KHDRBS2: variants seen among roughly 807,000 people sequenced by gnomAD.
KHDRBS2 encodes the protein KH RNA binding domain containing, signal transduction associated 2.
Under a neutral mutation model 44.3 loss-of-function variants are expected in KHDRBS2, and 26 were observed. The ratio of observed to expected loss-of-function variants is 0.59; its 90% CI spans 0.43 to 0.81. The LOEUF (loss-of-function observed/expected upper bound fraction) is 0.81. KHDRBS2 is among the 40% of genes least tolerant of loss of function. The pLI, the probability that KHDRBS2 is intolerant of heterozygous loss-of-function variation, is 0.00. For synonymous variants in KHDRBS2, 194 were observed against 151.1 expected (o/e 1.28, Z -2.08); for missense variants, 476 against 433.1 (o/e 1.10, Z -0.88).
chr6:62,232,721 C>T lies in KHDRBS2; in HGVS notation c.91+53137G>A, dbSNP rs141973335. Among the ~76,000 whole-genome samples, 357 of 152,200 alleles carry T rather than the reference C, an allele frequency of 2.3e-3. 1 individual carries two copies. Among genetic ancestry groups the T allele is most frequent in the Admixed American group, 4.5e-3 (69 of 15,272 alleles). Reference sequence around the variant, plus strand: ...TATTATCTTCTTTTGTCCAGTTTTTCTATTGTGAAACTCTCCCAAAATGTC... The same window carrying T: ...TATTATCTTCTTTTGTCCAGTTTTTTTATTGTGAAACTCTCCCAAAATGTC... On this transcript the variant is annotated intron_variant, in intron 1 of 8. Coordinates refer to ENST00000281156, the MANE Select transcript of KHDRBS2 (RefSeq NM_152688.4).
intron 3 of KHDRBS2, among the ~76,000 whole-genome samples, chr6:62,040,696 C>T (rs1435851754): frequency 6.6e-6 from 1 of 152,132 alleles, no homozygotes; most frequent in Non-Finnish European, 1.5e-5. Context: ...GCTTTCTTCA[C>T]AGTAAGCAGC....
At chr6:61,986,037 T>G (rs1301069614) in intron 3 of KHDRBS2, among the ~76,000 whole-genome samples, 1 of 152,178 alleles carries the variant, frequency 6.6e-6, no homozygotes, top group Non-Finnish European at 1.5e-5. Flanking sequence ...AAATGAATTT[T>G]GGAGTCAGAT....
intron 6 of KHDRBS2, 61 bp downstream of exon 6, chr6:61,894,574 C>A: frequency 7.5e-7 from 1 of 1,340,942 alleles, no homozygotes; most frequent in South Asian, 1.2e-5. Context: ...CAGTTTGAGA[C>A]GTAGCTTGTT....
the KHDRBS2 span, among the ~76,000 whole-genome samples, chr6:61,581,581 CAAT>C: frequency 1.0e-4 from 2 of 19,398 alleles, no homozygotes; most frequent in African/African-American, 3.6e-4. Flanking sequence ...ATACAATACA[CAAT>C]ATACAATATA....
intron 4 of KHDRBS2, among the ~76,000 whole-genome samples, chr6:61,915,863 A>G (rs1648815041): frequency 6.6e-6 from 1 of 151,874 alleles, no homozygotes. Flanking sequence ...AAACACCTCA[A>G]TTTTACTCAG....
At chr6:62,088,916 G>T (rs1798949611) in intron 2 of KHDRBS2, among the ~76,000 whole-genome samples, 1 of 152,164 alleles carries the variant, frequency 6.6e-6, no homozygotes, top group African/African-American at 2.4e-5. Flanking sequence ...GAGATGTTCT[G>T]ACTAGAGAGG....
At chr6:61,629,984 G>A in the KHDRBS2 span, among the ~76,000 whole-genome samples, 2 of 152,124 alleles carry the variant, frequency 1.3e-5, no homozygotes, top group African/African-American at 4.8e-5. Flanking sequence ...CTCTCAAATA[G>A]TACTTTCAAC....
At chr6:61,967,953 TATATACAC>T (rs774974138) in intron 4 of KHDRBS2, among the ~76,000 whole-genome samples, 1 of 122,662 alleles carries the variant, frequency 8.2e-6, no homozygotes, top group Non-Finnish European at 1.7e-5. Flanking sequence ...TATATATATA[TATATACAC>T]ACACACACAC....
At chr6:61,708,761 C>A (rs1485647520) in intron 7 of KHDRBS2, among the ~76,000 whole-genome samples, 2 of 151,524 alleles carry the variant, frequency 1.3e-5, no homozygotes, top group Non-Finnish European at 3.0e-5. Flanking sequence ...AGTTGTTTTT[C>A]TGACTGGTTT....
chr6:61,681,011 T>C lies in KHDRBS2; in HGVS notation c.1002A>G (p.Gln334=), dbSNP rs1204114. Residue 334 remains glutamine (Q), a synonymous_variant, in exon 9 of 9, where the codon CAA becomes CAG. Coordinates refer to ENST00000281156, the MANE Select transcript of KHDRBS2 (RefSeq NM_152688.4). Reference sequence around the variant, plus strand: ...CCCTGTATCCCCCTCTGGCTGACCTTTGCGGTGGTGCCTTCAAGCTAGAGC... The same window carrying C: ...CCCTGTATCCCCCTCTGGCTGACCTCTGCGGTGGTGCCTTCAAGCTAGAGC... The part of the protein sequence containing the change: ...TTRSSLKAPP[Q]RSARGGYREH... 0.68 allele frequency: 1,087,746 copies of C among 1,609,612 alleles called. 371,279 individuals are homozygous for C. The highest frequency in any genetic ancestry group is 0.7 in the Middle Eastern group (4,244 of 6,030).
At chr6:61,634,348 A>G in the KHDRBS2 span, among the ~76,000 whole-genome samples, 5 of 152,020 alleles carry the variant, frequency 3.3e-5, no homozygotes, top group Non-Finnish European at 7.4e-5. Context: ...GAAATAATCA[A>G]TAATGGTAGC....
At chr6:61,984,734 T>C (rs1774697964) in intron 3 of KHDRBS2, among the ~76,000 whole-genome samples, 1 of 152,224 alleles carries the variant, frequency 6.6e-6, no homozygotes, top group Admixed American at 6.5e-5. Flanking sequence ...CACATGACTG[T>C]GTAAGTAAAT....
intron 4 of KHDRBS2, among the ~76,000 whole-genome samples, chr6:61,926,550 G>A (rs1220662159): frequency 6.6e-6 from 1 of 152,058 alleles, no homozygotes; most frequent in East Asian, 1.9e-4. Flanking sequence ...GGAAAGAATG[G>A]CACTCCTAGG....
intron 6 of KHDRBS2, among the ~76,000 whole-genome samples, chr6:61,874,088 G>C (rs1247207708): frequency 6.6e-6 from 1 of 151,840 alleles, no homozygotes; most frequent in Admixed American, 6.6e-5. Flanking sequence ...TAGCTAATGG[G>C]ATTAATATAT....
At chr6:62,135,243 T>G (rs1459433693) in intron 2 of KHDRBS2, among the ~76,000 whole-genome samples, 1 of 152,160 alleles carries the variant, frequency 6.6e-6, no homozygotes, top group Admixed American at 6.5e-5. Flanking sequence ...TCCAATAGTT[T>G]TATAAGGGGA....
At chr6:62,066,758 T>C (rs888838645) in intron 2 of KHDRBS2, among the ~76,000 whole-genome samples, 10 of 151,672 alleles carry the variant, frequency 6.6e-5, no homozygotes, top group African/African-American at 2.4e-4. Context: ...CAATAATCTT[T>C]GGCTCTATGT....
chr6:61,579,086 G>A, the KHDRBS2 span, among the ~76,000 whole-genome samples: 1 of 152,104 alleles, frequency 6.6e-6, no homozygotes, highest in Admixed American at 6.6e-5. Context: ...TGCAGAATAA[G>A]CACATGCGTA....
intron 1 of KHDRBS2, among the ~76,000 whole-genome samples, chr6:62,274,325 G>T (rs1290894514): frequency 1.3e-5 from 2 of 152,144 alleles, no homozygotes; most frequent in Non-Finnish European, 1.5e-5. Context: ...CCAGTCTCCA[G>T]CAATGCAGCT....
intron 3 of KHDRBS2, among the ~76,000 whole-genome samples, chr6:61,985,369 T>C (rs1774853570): frequency 6.6e-6 from 1 of 152,186 alleles, no homozygotes; most frequent in Admixed American, 6.6e-5. Flanking sequence ...ATCAACCTTT[T>C]CTGTAGAGAT....
Sources: gnomAD v4.1 joint callset for allele counts (sites outside exome capture counted in the v4.1 genomes callset) on GRCh38, gnomAD v4.1.1 for gene constraint, MANE v1.5 for transcripts, NCBI Gene and HGNC (gene_info 2026-07-23, HGNC 2026-07-21) for gene names.